CRB1: variants seen among roughly 807,000 people sequenced by gnomAD.
The protein encoded by CRB1 is protein crumbs homolog 1.
Under a neutral mutation model 120.0 loss-of-function variants are expected in CRB1, and 83 were observed. That is an observed-to-expected ratio of 0.69 (90% CI 0.58 to 0.83). CRB1 has a LOEUF of 0.83. Among genes scored for constraint, CRB1 ranks in the 40% least tolerant of loss-of-function variants. CRB1 has a pLI of 0.00. For synonymous variants in CRB1, 625 were observed against 612.5 expected (o/e 1.02, Z -0.30); for missense variants, 1,699 against 1,687.6 (o/e 1.01, Z -0.12).
At chr1:197,205,179 T>C in the CRB1 span, among the ~76,000 whole-genome samples, 1 of 152,160 alleles carries the variant, frequency 6.6e-6, no homozygotes, top group Non-Finnish European at 1.5e-5. Flanking sequence ...TGTAGGGTTT[T>C]CTAGGTATCA....
intron 11 of CRB1, among the ~76,000 whole-genome samples, chr1:197,451,187 AAG>A (rs1212026771): frequency 6.6e-6 from 1 of 152,204 alleles, no homozygotes. Context: ...CACTGATTGA[AAG>A]AGAGACATGG....
Position 197,477,718 on chromosome 1 carries a change from G to T in CRB1, c.4060G>T (p.Ala1354Ser), listed in dbSNP as rs200469148. The change falls in exon 12 of 12, where the codon GCC becomes TCC. Residue 1354 changes from alanine (A) to serine (S), a missense_variant. Coordinates refer to ENST00000367400, the MANE Select transcript of CRB1 (RefSeq NM_201253.3). ...CACCACTATTGGCTCAGTGACTGTC[G>T]CCTTGTTACTGATCCTCTTGCTGGC... Reference protein sequence around the residue: ...IFTTIGSVTVALLLILLLAIV... With the variant: ...IFTTIGSVTVSLLLILLLAIV... 3 of 1,613,702 alleles carry T rather than the reference G, an allele frequency of 1.9e-6. No individual in the cohort carries two copies. Among genetic ancestry groups the T allele is most frequent in the East Asian group, 2.2e-5 (1 of 44,872 alleles).
At chr1:197,461,985 A>G (rs1666552713) in intron 11 of CRB1, among the ~76,000 whole-genome samples, 1 of 152,184 alleles carries the variant, frequency 6.6e-6, no homozygotes, top group South Asian at 2.1e-4. Flanking sequence ...ACATAAAGAC[A>G]AAAGCACAGC....
intron 11 of CRB1, among the ~76,000 whole-genome samples, chr1:197,465,578 T>C (rs972994351): frequency 6.6e-6 from 1 of 152,202 alleles, no homozygotes; most frequent in Non-Finnish European, 1.5e-5. Context: ...TTTGAGTTCA[T>C]AGATTTTAGA....
At chr1:197,402,265 G>A (rs1663103855) in intron 5 of CRB1, among the ~76,000 whole-genome samples, 1 of 152,028 alleles carries the variant, frequency 6.6e-6, no homozygotes, top group African/African-American at 2.4e-5. Context: ...GCGTTCATGA[G>A]TTCTCATCAT....
At chr1:197,476,015 T>C (rs997156279) in intron 11 of CRB1, among the ~76,000 whole-genome samples, 2 of 152,124 alleles carry the variant, frequency 1.3e-5, no homozygotes, top group African/African-American at 4.8e-5. Flanking sequence ...GTTCAAGCGA[T>C]TCTTCTGCCT....
chr1:197,413,405 AT>A (rs1354874505), intron 5 of CRB1, among the ~76,000 whole-genome samples: 1 of 152,014 alleles, frequency 6.6e-6, no homozygotes, highest in Non-Finnish European at 1.5e-5. Context: ...TTTTTTCTTA[AT>A]TTTTCTTTCC....
chr1:197,460,064 T>A (rs1038486647), intron 11 of CRB1, among the ~76,000 whole-genome samples: 1 of 142,058 alleles, frequency 7.0e-6, no homozygotes, highest in African/African-American at 2.5e-5. Flanking sequence ...TTGAGGATTT[T>A]AATTGAAGGT....
In CRB1 at chr1:197,308,168, C is replaced by T. The variant is rs117070481; in HGVS notation, c.71-20254C>T. Among the ~76,000 whole-genome samples the T allele has an allele frequency of 5.3e-5, 8 of 152,232 alleles. No individual in the cohort carries two copies. In the East Asian group the frequency reaches 1.2e-3, roughly 22 times the overall value. On this transcript the variant is annotated intron_variant, in intron 1 of 11. Coordinates refer to ENST00000367400, the MANE Select transcript of CRB1 (RefSeq NM_201253.3). ...TGGAGCTGGAGGCCGTAATCCTAAGCAAATGAATGTGGAAATAGAAAATAA... is the reference window on the plus strand; with the variant it reads ...TGGAGCTGGAGGCCGTAATCCTAAGTAAATGAATGTGGAAATAGAAAATAA...
At chr1:197,225,893 C>A in the CRB1 span, among the ~76,000 whole-genome samples, 1 of 152,128 alleles carries the variant, frequency 6.6e-6, no homozygotes, top group Non-Finnish European at 1.5e-5. Flanking sequence ...AGACCACAGC[C>A]TTTCTTTCTT....
chr1:197,203,914 TAC>T, the CRB1 span, among the ~76,000 whole-genome samples: 1 of 152,164 alleles, frequency 6.6e-6, no homozygotes, highest in East Asian at 1.9e-4. Context: ...GTACACACTA[TAC>T]CTAATGTGTA....
At chr1:197,272,718 G>T (rs74136093) in intron 1 of CRB1, among the ~76,000 whole-genome samples, 2 of 151,972 alleles carry the variant, frequency 1.3e-5, no homozygotes, top group Admixed American at 1.3e-4. Context: ...ATAGCATCCT[G>T]TAAAAGACAA....
intron 5 of CRB1, among the ~76,000 whole-genome samples, chr1:197,368,416 C>G (rs1026120699): frequency 4.6e-5 from 7 of 152,162 alleles, no homozygotes; most frequent in Non-Finnish European, 8.8e-5. Context: ...CAAAACTATT[C>G]ATAGTGTGTA....
intron 5 of CRB1, among the ~76,000 whole-genome samples, chr1:197,410,297 C>A (rs1663637615): frequency 6.6e-6 from 1 of 152,172 alleles, no homozygotes; most frequent in Non-Finnish European, 1.5e-5. Context: ...AGTTAACAAA[C>A]TTCGCCATCT....
intron 1 of CRB1, among the ~76,000 whole-genome samples, chr1:197,294,287 TC>T (rs1202664877): frequency 2.0e-5 from 3 of 152,114 alleles, no homozygotes; most frequent in Non-Finnish European, 4.4e-5. Flanking sequence ...AGAAGACATT[TC>T]TGCAGCCAAC....
chr1:197,211,338 A>G, the CRB1 span, among the ~76,000 whole-genome samples: 1 of 152,212 alleles, frequency 6.6e-6, no homozygotes, highest in East Asian at 1.9e-4. Flanking sequence ...AATTGAAGAA[A>G]TGTGCTTCCT....
chr1:197,220,989 G>A, the CRB1 span, among the ~76,000 whole-genome samples: 3 of 152,116 alleles, frequency 2.0e-5, no homozygotes, highest in Non-Finnish European at 4.4e-5. Context: ...AGCAGTGTGA[G>A]AACAGACTAA....
chr1:197,320,049 C>T (rs1367401212), intron 1 of CRB1, among the ~76,000 whole-genome samples: 5 of 152,228 alleles, frequency 3.3e-5, no homozygotes, highest in African/African-American at 1.2e-4. Flanking sequence ...TCTATAAAGA[C>T]CTGGCCTTAG....
intron 11 of CRB1, among the ~76,000 whole-genome samples, chr1:197,469,088 C>T (rs1331727189): frequency 3.9e-5 from 6 of 152,036 alleles, no homozygotes; most frequent in Non-Finnish European, 5.9e-5. Context: ...GGTGGAGTGG[C>T]GCACGCCTGT....
Sources: gnomAD v4.1 joint callset for allele counts (sites outside exome capture counted in the v4.1 genomes callset) on GRCh38, gnomAD v4.1.1 for gene constraint, MANE v1.5 for transcripts, NCBI Gene and HGNC (gene_info 2026-07-23, HGNC 2026-07-21) for gene names.